The following FBLN5 variants were observed in gnomAD, a reference collection of about 807,000 sequenced individuals.
FBLN5 encodes the protein fibulin-5.
In FBLN5, 24 loss-of-function variants were observed where a neutral mutation model predicts 61.6. The ratio of observed to expected loss-of-function variants is 0.39; its 90% CI spans 0.28 to 0.55. The LOEUF (loss-of-function observed/expected upper bound fraction) is 0.55. Ranked by LOEUF, FBLN5 falls within the 20% of genes least tolerant of loss-of-function variation. The pLI is 0.65. For missense variants in FBLN5, 470 were observed against 594.1 expected (o/e 0.79, Z 2.17); for synonymous variants, 213 against 219.8 (o/e 0.97, Z 0.27).
At chr14:91,883,665 A>AAAAAAAAAAAC (rs1555375090) in intron 7 of FBLN5, among the ~76,000 whole-genome samples, 2 of 142,754 alleles carry the variant, frequency 1.4e-5, no homozygotes, top group Non-Finnish European at 3.0e-5. Flanking sequence ...AACAAAAAAA[A>AAAAAAAAAAAC]CACACACACA....
intron 4 of FBLN5, among the ~76,000 whole-genome samples, chr14:91,901,583 C>T (rs373135335): frequency 6.6e-6 from 1 of 152,160 alleles, no homozygotes; most frequent in Non-Finnish European, 1.5e-5. Context: ...TGGGCTGGGT[C>T]GGTGCCATTT....
At chr14:91,939,405 TCTC>T (rs1276500677) in intron 3 of FBLN5, among the ~76,000 whole-genome samples, 1 of 150,970 alleles carries the variant, frequency 6.6e-6, no homozygotes, top group Non-Finnish European at 1.5e-5. Context: ...AGTGGTGCGA[TCTC>T]AGCTCATTGC....
Position 91,906,715 on chromosome 14 carries a change from C to T in FBLN5, c.380-11643G>A, listed in dbSNP as rs900386672. ...GTCTCCAGTGAGGAAGGCAGGGAGG[C>T]GAGGGAGCTACATGTGGGGCCAACC... On this transcript the variant is annotated intron_variant, in intron 4 of 10. Coordinates refer to ENST00000342058, the MANE Select transcript of FBLN5 (RefSeq NM_006329.4). Among the ~76,000 whole-genome samples, 4 of 152,194 alleles carry T rather than the reference C, an allele frequency of 2.6e-5. No individual in the cohort carries two copies. In the East Asian group the frequency reaches 5.8e-4, roughly 22 times the overall value.
At chr14:91,874,165 G>T (rs1889065214) in intron 10 of FBLN5, 1 of 152,238 alleles carries the variant, frequency 6.6e-6, no homozygotes, top group Non-Finnish European at 1.5e-5. Context: ...CCTCCCATGT[G>T]GTTATAATCA....
chr14:91,935,676 A>G (rs2056002292), intron 4 of FBLN5, among the ~76,000 whole-genome samples: 1 of 152,202 alleles, frequency 6.6e-6, no homozygotes, highest in Non-Finnish European at 1.5e-5. Context: ...CCTTTCTACA[A>G]AATGAAGAAG....
chr14:91,926,970 G>A (rs575936128), intron 4 of FBLN5, among the ~76,000 whole-genome samples: 6 of 152,238 alleles, frequency 3.9e-5, no homozygotes, highest in East Asian at 3.9e-4. Flanking sequence ...GATAGGATTC[G>A]AACCCACGTC....
chr14:91,923,169 GA>G (rs1173176409), intron 4 of FBLN5, among the ~76,000 whole-genome samples: 2 of 152,164 alleles, frequency 1.3e-5, no homozygotes. Context: ...GATGTGAACT[GA>G]AGCCCCAGAA....
chr14:91,926,735 T>G (rs1455070620), intron 4 of FBLN5, among the ~76,000 whole-genome samples: 1 of 149,904 alleles, frequency 6.7e-6, no homozygotes, highest in Non-Finnish European at 1.5e-5. Flanking sequence ...CAAACAGAGT[T>G]GCTGCTCCTG....
intron 4 of FBLN5, among the ~76,000 whole-genome samples, chr14:91,901,265 G>A (rs780367178): frequency 1.3e-5 from 2 of 152,054 alleles, no homozygotes; most frequent in Non-Finnish European, 2.9e-5. Context: ...ACCTAACGTC[G>A]GCTGAATATC....
chr14:91,887,436 C>T, intron 6 of FBLN5, 124 bp from the exon 7 acceptor site: 1 of 995,192 alleles, frequency 1.0e-6, no homozygotes, highest in South Asian at 1.3e-5. Context: ...GGTACCAAGG[C>T]TCTCCACCCA....
intron 4 of FBLN5, among the ~76,000 whole-genome samples, chr14:91,898,212 G>A (rs900964102): frequency 2.2e-4 from 30 of 139,188 alleles, no homozygotes; most frequent in African/African-American, 6.7e-4. Context: ...TTTTTTTGGC[G>A]GGGGGGGCGG....
chr14:91,940,402 AAAG>A (rs1296936398), intron 3 of FBLN5, among the ~76,000 whole-genome samples, 160 bp downstream of exon 3: 1 of 152,246 alleles, frequency 6.6e-6, no homozygotes, highest in Non-Finnish European at 1.5e-5. Flanking sequence ...GGCCAGGCAC[AAAG>A]AAGGTGATCA....
intron 4 of FBLN5, among the ~76,000 whole-genome samples, chr14:91,920,453 C>T (rs1263383581): frequency 6.6e-6 from 1 of 152,148 alleles, no homozygotes; most frequent in Non-Finnish European, 1.5e-5. Flanking sequence ...TGCTCAAGGT[C>T]ATTCAGCTGC....
chr14:91,877,845 CCAG>C, intron 9 of FBLN5, 163 bp from the exon 10 acceptor site: 1 of 690,412 alleles, frequency 1.4e-6, no homozygotes, highest in East Asian at 2.7e-5. Context: ...TAAAATCTCT[CCAG>C]CATGTAGGCG....
intron 4 of FBLN5, among the ~76,000 whole-genome samples, chr14:91,902,350 G>A (rs1472186888): frequency 2.0e-5 from 3 of 150,188 alleles, no homozygotes; most frequent in Non-Finnish European, 2.9e-5. Context: ...GCAAACAGAC[G>A]TGGAGTTCAA....
intron 4 of FBLN5, among the ~76,000 whole-genome samples, chr14:91,919,371 GA>G (rs1419667822): frequency 0.02 from 2,185 of 107,614 alleles, 73 homozygotes; most frequent in African/African-American, 0.069. Flanking sequence ...GAAAAGAAAA[GA>G]AAAGAAAAGA....
chr14:91,873,064 G>T (rs1889013085), intron 10 of FBLN5, among the ~76,000 whole-genome samples: 1 of 152,212 alleles, frequency 6.6e-6, no homozygotes, highest in Non-Finnish European at 1.5e-5. Context: ...CCATTTGGAA[G>T]TAACTGCAGA....
chr14:91,938,687 C>T (rs955801947), intron 3 of FBLN5, among the ~76,000 whole-genome samples: 3 of 152,074 alleles, frequency 2.0e-5, no homozygotes, highest in South Asian at 2.1e-4. Flanking sequence ...GTGGCTCCAG[C>T]GAGCAGTAGA....
intron 4 of FBLN5, among the ~76,000 whole-genome samples, chr14:91,918,035 C>T (rs1332017645): frequency 6.6e-6 from 1 of 152,140 alleles, no homozygotes; most frequent in Non-Finnish European, 1.5e-5. Flanking sequence ...AGATCAATAT[C>T]CAGGCACCTG....
Sources: allele counts gnomAD v4.1 joint callset (sites outside exome capture counted in the v4.1 genomes callset), GRCh38; gene constraint gnomAD v4.1.1; transcripts MANE v1.5; gene names NCBI Gene and HGNC (gene_info 2026-07-23, HGNC 2026-07-21).